Variants in HSD17B12 observed in about 807,000 individuals in gnomAD.
HSD17B12 encodes hydroxysteroid 17-beta dehydrogenase 12.
Under a neutral mutation model 39.3 loss-of-function variants are expected in HSD17B12, and 32 were observed. That is an observed-to-expected ratio of 0.81 (90% CI 0.61 to 1.09). The LOEUF (loss-of-function observed/expected upper bound fraction) is 1.09, where lower values mean the gene tolerates loss of function less well. Among genes scored for constraint, HSD17B12 ranks in the 50% least tolerant of loss-of-function variants. HSD17B12 has a pLI of 0.00. For synonymous variants in HSD17B12, 150 were observed against 146.7 expected (o/e 1.02, Z -0.16); for missense variants, 342 against 382.9 (o/e 0.89, Z 0.89).
chr11:43,688,211 CAA>C (rs576898419), intron 1 of HSD17B12, among the ~76,000 whole-genome samples: 1 of 139,332 alleles, frequency 7.2e-6, no homozygotes, highest in Non-Finnish European at 1.6e-5. Flanking sequence ...CACTCTGTCT[CAA>C]AAAAAAAAAA....
chr11:43,649,558 C>T, the HSD17B12 span, among the ~76,000 whole-genome samples: 2 of 152,088 alleles, frequency 1.3e-5, no homozygotes, highest in African/African-American at 4.8e-5. Flanking sequence ...CATGGCTGGG[C>T]AATTCACAAA....
At chr11:43,654,547 T>C in the HSD17B12 span, among the ~76,000 whole-genome samples, 2 of 152,040 alleles carry the variant, frequency 1.3e-5, no homozygotes, top group Non-Finnish European at 2.9e-5. Context: ...TGTAAGTCTT[T>C]AATCCATCTT....
chr11:43,831,923 A>T lies in HSD17B12; in HGVS notation c.536+913A>T, dbSNP rs1340417447. Among the ~76,000 whole-genome samples, 1 of 152,180 alleles carries T rather than the reference A, an allele frequency of 6.6e-6. No individual in the cohort carries two copies. Among genetic ancestry groups the T allele is most frequent in the African/African-American group, 2.4e-5 (1 of 41,436 alleles). On this transcript the variant is annotated intron_variant, in intron 7 of 10. Coordinates refer to ENST00000278353, the MANE Select transcript of HSD17B12 (RefSeq NM_016142.3). The surrounding 1 kb of genome is among the most constrained non-coding windows in gnomAD (Gnocchi z 4.1). ...AAGTGCCAGGAACTTAGTAAGTGTT[A>T]ACTCATTTAACTTTGATAGCCTCCC...
chr11:43,663,353 G>A, the HSD17B12 span, among the ~76,000 whole-genome samples: 4 of 152,182 alleles, frequency 2.6e-5, no homozygotes, highest in South Asian at 2.1e-4. Context: ...GCCTGCCTCA[G>A]TCTCCCAGAG....
At chr11:43,638,059 G>C in the HSD17B12 span, among the ~76,000 whole-genome samples, 11 of 152,104 alleles carry the variant, frequency 7.2e-5, no homozygotes, top group Non-Finnish European at 1.3e-4. Context: ...TGTCTGGGAG[G>C]GGGAGGGAAA....
intron 3 of HSD17B12, among the ~76,000 whole-genome samples, chr11:43,796,739 G>C (rs1020605840): frequency 6.6e-6 from 1 of 152,068 alleles, no homozygotes; most frequent in African/African-American, 2.4e-5. Context: ...TACTAGTATG[G>C]AAAAATAATT....
At chr11:43,590,724 A>G in the HSD17B12 span, among the ~76,000 whole-genome samples, 16 of 149,304 alleles carry the variant, frequency 1.1e-4, no homozygotes, top group Admixed American at 1.1e-3. Context: ...GTTAGCCAGG[A>G]TGGTCTCAAT....
At chr11:43,676,725 C>G (rs1048953407), upstream of HSD17B12, among the ~76,000 whole-genome samples, 1 of 152,152 alleles carries the variant, frequency 6.6e-6, no homozygotes, top group African/African-American at 2.4e-5. Flanking sequence ...ACCCTAGGTA[C>G]CAGGCACTGT....
At chr11:43,712,775 G>C (rs1950080172) in intron 1 of HSD17B12, among the ~76,000 whole-genome samples, 1 of 152,176 alleles carries the variant, frequency 6.6e-6, no homozygotes, top group African/African-American at 2.4e-5. Context: ...CTCAGATTTT[G>C]AGTTCACAAC....
chr11:43,747,737 A>C (rs7115856), intron 1 of HSD17B12, among the ~76,000 whole-genome samples: 59,101 of 151,946 alleles, frequency 0.39, 12,609 homozygotes, highest in East Asian at 0.68. Context: ...ACTGCTATAG[A>C]TTATGTGCAT....
chr11:43,694,187 T>C (rs1949889183), intron 1 of HSD17B12, among the ~76,000 whole-genome samples: 1 of 152,214 alleles, frequency 6.6e-6, no homozygotes, highest in East Asian at 1.9e-4. Flanking sequence ...GGTTTTGTTA[T>C]TTCCATGTAA....
chr11:43,822,872 G>A (rs1476040777), intron 6 of HSD17B12, among the ~76,000 whole-genome samples: 1 of 152,082 alleles, frequency 6.6e-6, no homozygotes, highest in Non-Finnish European at 1.5e-5. Flanking sequence ...GGGTCAAATG[G>A]TATTTGTAGT....
the HSD17B12 span, among the ~76,000 whole-genome samples, chr11:43,617,787 A>G: frequency 1.3e-5 from 2 of 152,036 alleles, no homozygotes; most frequent in Non-Finnish European, 2.9e-5. Context: ...TTCTACAGGA[A>G]TCATCCCAGG....
At position 43,763,004 on chromosome 11, in the gene HSD17B12, G is replaced by C. The variant is rs138116938; in HGVS notation, c.283+8883G>C. ...GATAAACAAAGCAGGTCTCATAAGA[G>C]AGCTGAACTAATTAAAGATGTGGAA... is the stretch of plus-strand genomic sequence containing the variant. On this transcript the variant is annotated intron_variant, in intron 3 of 10. Coordinates refer to ENST00000278353, the MANE Select transcript of HSD17B12 (RefSeq NM_016142.3). Among the ~76,000 whole-genome samples the C allele has an allele frequency of 2.2e-3, 337 of 152,226 alleles. 1 individual carries two copies. The highest frequency in any genetic ancestry group is 7.7e-3 in the African/African-American group (320 of 41,538).
At chr11:43,811,339 A>C (rs1024661496) in intron 4 of HSD17B12, among the ~76,000 whole-genome samples, 2 of 152,130 alleles carry the variant, frequency 1.3e-5, no homozygotes, top group Non-Finnish European at 2.9e-5. Context: ...CCACAAGCAA[A>C]AGGTGGAACT....
chr11:43,752,123 G>A (rs1296422434), intron 2 of HSD17B12, among the ~76,000 whole-genome samples: 1 of 152,084 alleles, frequency 6.6e-6, no homozygotes, highest in Non-Finnish European at 1.5e-5. Flanking sequence ...GAAAAATCCA[G>A]TTTAGTTGTT....
intron 3 of HSD17B12, among the ~76,000 whole-genome samples, chr11:43,789,799 G>A (rs1950849991): frequency 6.6e-6 from 1 of 152,072 alleles, no homozygotes; most frequent in African/African-American, 2.4e-5. Flanking sequence ...GGGCATGGTG[G>A]CATGCACCTG....
intron 6 of HSD17B12, among the ~76,000 whole-genome samples, chr11:43,823,001 CTTTT>C (rs1951197797): frequency 6.6e-6 from 1 of 152,048 alleles, no homozygotes; most frequent in Non-Finnish European, 1.5e-5. Flanking sequence ...TCTTTTTACT[CTTTT>C]TAAGTCAATT....
intron 9 of HSD17B12, among the ~76,000 whole-genome samples, chr11:43,843,586 C>A (rs1951446826): frequency 1.3e-5 from 2 of 151,932 alleles, no homozygotes; most frequent in South Asian, 4.1e-4. Flanking sequence ...ACATGCTCTG[C>A]CCTCTGAAGT....
Sources: gnomAD v4.1 joint callset for allele counts (sites outside exome capture counted in the v4.1 genomes callset) on GRCh38, gnomAD v4.1.1 for gene constraint, Gnocchi (gnomAD v3.1) non-coding constraint, MANE v1.5 for transcripts, NCBI Gene and HGNC (gene_info 2026-07-23, HGNC 2026-07-21) for gene names.